Variants in KCNK2 observed in about 807,000 individuals in gnomAD.
KCNK2 encodes the protein potassium two pore domain channel subfamily K member 2, also known as potassium channel subfamily K member 2.
A neutral mutation model predicts 40.5 loss-of-function variants in KCNK2; 21 were observed. That is an observed-to-expected ratio of 0.52 (90% CI 0.37 to 0.75). The LOEUF is 0.75. Among genes scored for constraint, KCNK2 ranks in the 30% least tolerant of loss-of-function variants. The probability of loss-of-function intolerance (pLI) is 0.00; values close to 1 mark genes in which losing one functional copy is unlikely to be tolerated. For missense variants in KCNK2, 399 were observed against 531.6 expected (o/e 0.75, Z 2.45); for synonymous variants, 191 against 202.2 (o/e 0.94, Z 0.47).
At chr1:215,222,769 A>G (rs1406290623) in intron 6 of KCNK2, among the ~76,000 whole-genome samples, 1 of 151,698 alleles carries the variant, frequency 6.6e-6, no homozygotes. Flanking sequence ...TGGTAAAGAG[A>G]ATAATTGGAA....
At chr1:215,116,692 C>T (rs1006862010) in intron 2 of KCNK2, among the ~76,000 whole-genome samples, 4 of 152,006 alleles carry the variant, frequency 2.6e-5, no homozygotes, top group Non-Finnish European at 5.9e-5. Flanking sequence ...TCCTTAAAGT[C>T]TGGTGTGCAG....
chr1:215,210,435 A>G (rs1027343129), intron 6 of KCNK2, among the ~76,000 whole-genome samples: 2 of 152,062 alleles, frequency 1.3e-5, no homozygotes, highest in African/African-American at 4.8e-5. Flanking sequence ...CACAAGTTCA[A>G]CAAAAGTCAG....
intron 6 of KCNK2, among the ~76,000 whole-genome samples, chr1:215,209,168 A>AT (rs945379841): frequency 9.7e-5 from 14 of 143,686 alleles, no homozygotes; most frequent in Admixed American, 3.0e-4. Flanking sequence ...TAGTGAGGGC[A>AT]TTTTTTATGA....
intron 3 of KCNK2, among the ~76,000 whole-genome samples, chr1:215,139,364 A>C (rs1355294453): frequency 6.6e-6 from 1 of 152,240 alleles, no homozygotes; most frequent in Non-Finnish European, 1.5e-5. Flanking sequence ...AATTTTAAAA[A>C]ATCATTCGTT....
chr1:215,186,039 T>C lies in KCNK2; in HGVS notation c.824-8914T>C, dbSNP rs368951267. ...TTAGAAGCATCTTAAGAACAAGTGATGATGGGGTGGTTTAGACCAGAACTC... is the reference window on the plus strand; with the variant it reads ...TTAGAAGCATCTTAAGAACAAGTGACGATGGGGTGGTTTAGACCAGAACTC... On this transcript the variant is annotated intron_variant, in intron 5 of 6. Transcript: ENST00000444842. Among the ~76,000 whole-genome samples the C allele has an allele frequency of 5.6e-4, 85 of 152,322 alleles. No homozygotes were observed. The South Asian group carries it at 0.017, about 31-fold the overall frequency.
intron 1 of KCNK2, among the ~76,000 whole-genome samples, chr1:215,017,180 G>T (rs1656622496): frequency 6.6e-6 from 1 of 152,090 alleles, no homozygotes; most frequent in Non-Finnish European, 1.5e-5. Context: ...AAACAGTATT[G>T]TGGTTCCTCA....
At chr1:215,209,489 A>ATATTATATAT (rs1553274216) in intron 6 of KCNK2, among the ~76,000 whole-genome samples, 2 of 26,432 alleles carry the variant, frequency 7.6e-5, no homozygotes, top group African/African-American at 2.8e-4. Flanking sequence ...TATATAATAC[A>ATATTATATAT]TATATATAAT....
At chr1:215,110,325 C>T (rs1196577163) in intron 2 of KCNK2, among the ~76,000 whole-genome samples, 1 of 151,990 alleles carries the variant, frequency 6.6e-6, no homozygotes, top group Non-Finnish European at 1.5e-5. Context: ...GTGTTTTCTT[C>T]TAGTAGTTTT....
intron 1 of KCNK2, among the ~76,000 whole-genome samples, chr1:215,011,645 G>A (rs184377076): frequency 1.1e-4 from 16 of 144,980 alleles, no homozygotes; most frequent in African/African-American, 3.8e-4. Flanking sequence ...TCACTCTGTC[G>A]CCCAAGCTGG....
At chr1:215,032,225 T>C (rs1314817958) in intron 1 of KCNK2, among the ~76,000 whole-genome samples, 4 of 151,344 alleles carry the variant, frequency 2.6e-5, no homozygotes, top group Non-Finnish European at 5.9e-5. Context: ...CTGGGCAACA[T>C]AGGGAGACCC....
chr1:215,090,371 CACTT>C (rs1382321164), intron 2 of KCNK2, among the ~76,000 whole-genome samples: 1 of 152,150 alleles, frequency 6.6e-6, no homozygotes, highest in Non-Finnish European at 1.5e-5. Flanking sequence ...TAAACTCTAG[CACTT>C]ACTTCTGGTA....
In KCNK2 at chr1:215,009,197, T is replaced by C. The variant is rs112640463; in HGVS notation, c.34+3242T>C. 9.2e-3 allele frequency among the ~76,000 whole-genome samples: 1,406 copies of C among 152,236 alleles called. 19 individuals are homozygous for C. The highest frequency in any genetic ancestry group is 0.032 in the African/African-American group (1,326 of 41,560). Reference sequence around the variant, plus strand: ...ATCAGTATTAGGTGGGGAGTGTATTTTGATGATTTAGTTTATTGTGTCAAT... The same window carrying C: ...ATCAGTATTAGGTGGGGAGTGTATTCTGATGATTTAGTTTATTGTGTCAAT... On this transcript the variant is annotated intron_variant, in intron 1 of 6. Transcript: ENST00000391895.
chr1:215,020,822 A>T (rs1656762725), intron 1 of KCNK2, among the ~76,000 whole-genome samples: 1 of 152,204 alleles, frequency 6.6e-6, no homozygotes, highest in Non-Finnish European at 1.5e-5. Flanking sequence ...TTTATACTTT[A>T]TGCTACATTC....
intron 2 of KCNK2, among the ~76,000 whole-genome samples, chr1:215,120,072 C>G (rs1661114657): frequency 6.6e-6 from 1 of 152,148 alleles, no homozygotes; most frequent in Non-Finnish European, 1.5e-5. Flanking sequence ...ATACCCTCAG[C>G]TCTATCTCAA....
At chr1:215,032,164 T>C (rs1180460378) in intron 1 of KCNK2, among the ~76,000 whole-genome samples, 2 of 151,136 alleles carry the variant, frequency 1.3e-5, no homozygotes, top group Non-Finnish European at 2.9e-5. Flanking sequence ...TCCCAGCACA[T>C]TGGGAGGCAG....
At chr1:215,185,594 C>T (rs535340072) in intron 5 of KCNK2, among the ~76,000 whole-genome samples, 1 of 152,270 alleles carries the variant, frequency 6.6e-6, no homozygotes, top group South Asian at 2.1e-4. Flanking sequence ...GAGTGAGTTT[C>T]CCATCTGGGA....
intron 6 of KCNK2, among the ~76,000 whole-genome samples, chr1:215,205,071 C>T (rs556326220): frequency 6.6e-6 from 1 of 152,248 alleles, no homozygotes; most frequent in Non-Finnish European, 1.5e-5. Context: ...AATGTCTATT[C>T]TTTCTCCAGC....
At chr1:215,109,892 T>C (rs545471370) in intron 2 of KCNK2, among the ~76,000 whole-genome samples, 21 of 152,198 alleles carry the variant, frequency 1.4e-4, no homozygotes, top group African/African-American at 4.6e-4. Context: ...TGTTATTTTT[T>C]ATCTTTTTAA....
intron 2 of KCNK2, among the ~76,000 whole-genome samples, chr1:215,108,840 G>C (rs1285919717): frequency 6.6e-6 from 1 of 151,836 alleles, no homozygotes; most frequent in African/African-American, 2.4e-5. Flanking sequence ...GTGTGTGTGA[G>C]GGGTTGGGGA....
Sources: allele counts gnomAD v4.1 joint callset (sites outside exome capture counted in the v4.1 genomes callset), GRCh38; gene constraint gnomAD v4.1.1; transcripts MANE v1.5; gene names NCBI Gene and HGNC (gene_info 2026-07-23, HGNC 2026-07-21).